The following GRIN2B variants were observed in gnomAD, a reference collection of about 807,000 sequenced individuals.
The protein encoded by GRIN2B is glutamate receptor ionotropic, NMDA 2B.
GRIN2B carries 5 observed loss-of-function variants against 114.5 expected under a neutral mutation model. The ratio of observed to expected loss-of-function variants is 0.04; its 90% CI spans 0.02 to 0.09. The LOEUF is 0.09. Among genes scored for constraint, GRIN2B ranks in the 10% least tolerant of loss-of-function variants. The pLI, the probability that GRIN2B is intolerant of heterozygous loss-of-function variation, is 1.00. For missense variants in GRIN2B, 1,108 were observed against 1,943.5 expected, an observed-to-expected ratio of 0.57 and a Z score of 8.08; for synonymous variants, 787 against 745.1, an observed-to-expected ratio of 1.06 and a Z score of -0.92.
chr12:13,590,711 G>A (rs1217599904), intron 10 of GRIN2B, among the ~76,000 whole-genome samples: 1 of 152,128 alleles, frequency 6.6e-6, no homozygotes, highest in African/African-American at 2.4e-5. Flanking sequence ...ATAAACATAT[G>A]TGTGCATGTG....
chr12:13,620,449 A>G (rs914272760), intron 5 of GRIN2B, among the ~76,000 whole-genome samples: 1 of 152,118 alleles, frequency 6.6e-6, no homozygotes, highest in East Asian at 1.9e-4. Flanking sequence ...AAACACTATC[A>G]ATCAGGCTCC....
intron 4 of GRIN2B, among the ~76,000 whole-genome samples, chr12:13,686,363 C>T (rs932045452): frequency 1.3e-5 from 2 of 152,108 alleles, no homozygotes; most frequent in East Asian, 1.9e-4. Context: ...GCACCATGAA[C>T]CCCAATTGCA....
rs149036605 is a variant in GRIN2B, at chr12:13,781,352, A to G, written c.412-27437T>C. Among the ~76,000 whole-genome samples, 5 of 152,328 alleles carry G rather than the reference A, an allele frequency of 3.3e-5. No homozygotes were observed. In the East Asian group the frequency reaches 5.8e-4, roughly 18 times the overall value. On this transcript the variant is annotated intron_variant, in intron 3 of 13. Coordinates refer to ENST00000609686, the MANE Select transcript of GRIN2B (RefSeq NM_000834.5). ...TGAGAATGTTTGGCTTACTTTGGAT[A>G]TTAGATTATTGTAAATTTGGGAAAC...
intron 3 of GRIN2B, among the ~76,000 whole-genome samples, chr12:13,778,348 A>G (rs1007544256): frequency 2.6e-5 from 4 of 152,212 alleles, no homozygotes; most frequent in Non-Finnish European, 5.9e-5. Flanking sequence ...GGAGAACACA[A>G]CTTTCTTCGA....
chr12:13,708,361 A>T (rs144841414), intron 4 of GRIN2B, among the ~76,000 whole-genome samples: 1 of 152,054 alleles, frequency 6.6e-6, no homozygotes, highest in Non-Finnish European at 1.5e-5. Flanking sequence ...AAGAAAAGTC[A>T]CCAGTGAGGC....
At chr12:13,709,865 C>T (rs141015390) in intron 4 of GRIN2B, among the ~76,000 whole-genome samples, 45 of 152,042 alleles carry the variant, frequency 3.0e-4, no homozygotes, top group African/African-American at 1.0e-3. Flanking sequence ...AAATGGTTGG[C>T]CATATCTGAT....
intron 5 of GRIN2B, among the ~76,000 whole-genome samples, chr12:13,657,315 C>T (rs1949875547): frequency 6.6e-6 from 1 of 152,128 alleles, no homozygotes; most frequent in Admixed American, 6.5e-5. Context: ...TTTCCATGTT[C>T]TAAAAGCTGC....
chr12:13,723,291 C>A (rs1309883363), intron 4 of GRIN2B, among the ~76,000 whole-genome samples: 2 of 151,808 alleles, frequency 1.3e-5, no homozygotes, highest in Non-Finnish European at 2.9e-5. Context: ...CCTCCCCTAG[C>A]CCCCCACCTT....
chr12:13,782,078 G>A (rs1156688362), intron 3 of GRIN2B, among the ~76,000 whole-genome samples: 1 of 152,192 alleles, frequency 6.6e-6, no homozygotes, highest in Non-Finnish European at 1.5e-5. Flanking sequence ...TGTCAACAGA[G>A]TTATGGGCTA....
intron 5 of GRIN2B, among the ~76,000 whole-genome samples, chr12:13,670,066 G>C (rs1400455472): frequency 6.6e-6 from 1 of 152,002 alleles, no homozygotes; most frequent in East Asian, 1.9e-4. Context: ...CGGTTTGGTT[G>C]CACTCCTTCC....
intron 10 of GRIN2B, among the ~76,000 whole-genome samples, chr12:13,587,967 T>C (rs1039544729): frequency 5.9e-5 from 9 of 152,246 alleles, no homozygotes; most frequent in African/African-American, 1.9e-4. Flanking sequence ...GCGATTACTT[T>C]TGCACCAGCC....
At chr12:13,698,078 G>A (rs761104254) in intron 4 of GRIN2B, among the ~76,000 whole-genome samples, 3 of 152,164 alleles carry the variant, frequency 2.0e-5, no homozygotes, top group Non-Finnish European at 2.9e-5. Flanking sequence ...TTCCAGCTTC[G>A]GCATTCAGCT....
chr12:13,827,823 A>T (rs913373356), intron 3 of GRIN2B, among the ~76,000 whole-genome samples: 3 of 152,152 alleles, frequency 2.0e-5, no homozygotes, highest in African/African-American at 7.2e-5. Flanking sequence ...CTGGAACTAC[A>T]GGCGCATGCC....
chr12:13,740,897 CAG>C (rs1863271341), intron 4 of GRIN2B, among the ~76,000 whole-genome samples: 1 of 152,080 alleles, frequency 6.6e-6, no homozygotes, highest in African/African-American at 2.4e-5. Flanking sequence ...CACTTCAGGA[CAG>C]AGAGTGAGAT....
chr12:13,651,998 T>C (rs1039533204), intron 5 of GRIN2B, among the ~76,000 whole-genome samples: 1 of 152,106 alleles, frequency 6.6e-6, no homozygotes, highest in African/African-American at 2.4e-5. Flanking sequence ...GGCTGCATCA[T>C]GCACTAGGAA....
At chr12:13,584,035 T>A (rs1948886446) in intron 10 of GRIN2B, among the ~76,000 whole-genome samples, 1 of 152,010 alleles carries the variant, frequency 6.6e-6, no homozygotes, top group Non-Finnish European at 1.5e-5. Flanking sequence ...GACATCAGAG[T>A]GGAAGCCTTG....
intron 3 of GRIN2B, among the ~76,000 whole-genome samples, chr12:13,803,537 T>A (rs1421401095): frequency 6.6e-6 from 1 of 152,186 alleles, no homozygotes; most frequent in Non-Finnish European, 1.5e-5. Context: ...GTCTATAATA[T>A]TTGTTTCCTA....
chr12:13,777,426 G>C (rs1864024944), intron 3 of GRIN2B, among the ~76,000 whole-genome samples: 1 of 152,160 alleles, frequency 6.6e-6, no homozygotes, highest in Admixed American at 6.5e-5. Flanking sequence ...GAATCTGCAG[G>C]AAAGGCAAGT....
intron 5 of GRIN2B, among the ~76,000 whole-genome samples, chr12:13,622,505 T>C (rs189367917): frequency 7.2e-5 from 11 of 152,314 alleles, no homozygotes; most frequent in African/African-American, 2.6e-4. Context: ...AATGTTTGAG[T>C]ATATGATAAT....
Sources: gnomAD v4.1 joint callset for allele counts (sites outside exome capture counted in the v4.1 genomes callset) on GRCh38, gnomAD v4.1.1 for gene constraint, MANE v1.5 for transcripts, NCBI Gene and HGNC (gene_info 2026-07-23, HGNC 2026-07-21) for gene names.